ADGRB3: variants seen among roughly 807,000 people sequenced by gnomAD.
The protein encoded by ADGRB3 is adhesion G protein-coupled receptor B3, also known as brain-specific angiogenesis inhibitor 3.
A neutral mutation model predicts 193.4 loss-of-function variants in ADGRB3; 37 were observed. The ratio of observed to expected loss-of-function variants is 0.19; its 90% confidence interval spans 0.15 to 0.25. The LOEUF is 0.25. Ranked by LOEUF, ADGRB3 falls within the 10% of genes least tolerant of loss-of-function variation. The pLI is 1.00. For missense variants in ADGRB3, 1,637 were observed against 1,852.9 expected, an observed-to-expected ratio of 0.88 and a Z score of 2.14; for synonymous variants, 690 against 644.2, an observed-to-expected ratio of 1.07 and a Z score of -1.08.
At chr6:69,063,119 C>T in intron 16 of ADGRB3, 83 bp downstream of exon 16, 3 of 1,014,786 alleles carry the variant, frequency 3.0e-6, no homozygotes, top group Non-Finnish European at 4.5e-6. Flanking sequence ...CACCAGAATA[C>T]ATTTTCTAGA....
intron 17 of ADGRB3, among the ~76,000 whole-genome samples, chr6:69,217,695 A>T (rs1765796370): frequency 6.6e-6 from 1 of 152,152 alleles, no homozygotes. Context: ...TAATAATTTG[A>T]TGTAAGCATG....
At chr6:68,830,812 G>A (rs560313485) in intron 3 of ADGRB3, among the ~76,000 whole-genome samples, 21 of 152,146 alleles carry the variant, frequency 1.4e-4, no homozygotes, top group African/African-American at 5.1e-4. Context: ...TGGAGCATGG[G>A]TCAGGGAGTG....
At chr6:69,259,086 C>T (rs771557171) in intron 20 of ADGRB3, among the ~76,000 whole-genome samples, 7 of 152,142 alleles carry the variant, frequency 4.6e-5, no homozygotes, top group Non-Finnish European at 1.0e-4. Context: ...TAATATTAAA[C>T]ACTTTGACCT....
intron 16 of ADGRB3, among the ~76,000 whole-genome samples, chr6:69,065,354 T>C (rs1029440244): frequency 6.6e-6 from 1 of 152,198 alleles, no homozygotes; most frequent in Admixed American, 6.5e-5. Context: ...CTCCAGTTAC[T>C]GACCACACAA....
chr6:69,315,747 T>C (rs917112124), intron 20 of ADGRB3, among the ~76,000 whole-genome samples: 1 of 151,462 alleles, frequency 6.6e-6, no homozygotes, highest in African/African-American at 2.4e-5. Context: ...ATATATGTAT[T>C]CTTAATTTAT....
rs3043275 is a variant in ADGRB3, at chr6:68,981,845, GTTATTTATTTATTTAT to G, written c.1734+6540_1734+6555del. Among the ~76,000 whole-genome samples the G allele has an allele frequency of 2.6e-4, 37 of 139,726 alleles. 2 individuals carry two copies. Among genetic ancestry groups the G allele is most frequent in the Middle Eastern group, 3.8e-3 (1 of 262 alleles). The allele number at this position is 139,726 out of a possible 152,430, so 91.7% of individuals were successfully genotyped here. A position where few individuals can be genotyped will look rare whatever the true frequency, so the allele number is the denominator to read the frequency against. On this transcript the variant is annotated intron_variant, in intron 10 of 31. Coordinates refer to ENST00000370598, the MANE Select transcript of ADGRB3 (RefSeq NM_001704.3). ...CCAAAGAATGGACAATACCTATTTT[GTTATTTATTTATTTAT>G]TTATTTATTTATTTATTTATTTATT...
chr6:69,339,062 C>A (rs764654800), intron 25 of ADGRB3, 48 bp downstream of exon 25: 2 of 1,581,382 alleles, frequency 1.3e-6, no homozygotes, highest in Non-Finnish European at 1.7e-6. Context: ...TTTTACAGTG[C>A]ATGTGAGAAA....
At chr6:69,347,258 A>C (rs949709282) in intron 26 of ADGRB3, among the ~76,000 whole-genome samples, 1 of 152,148 alleles carries the variant, frequency 6.6e-6, no homozygotes, top group African/African-American at 2.4e-5. Flanking sequence ...CCTAATGTAG[A>C]TGATGGGTTG....
At chr6:69,261,039 G>A (rs1417999281) in intron 20 of ADGRB3, among the ~76,000 whole-genome samples, 1 of 152,056 alleles carries the variant, frequency 6.6e-6, no homozygotes, top group Non-Finnish European at 1.5e-5. Context: ...GCTTTCCAAT[G>A]TTTTTATCAT....
intron 26 of ADGRB3, among the ~76,000 whole-genome samples, chr6:69,343,093 A>G (rs896668353): frequency 6.6e-5 from 10 of 151,832 alleles, no homozygotes; most frequent in Non-Finnish European, 2.9e-5. Flanking sequence ...GTGAAATACT[A>G]TAACTGTGAT....
chr6:69,188,784 C>T (rs138182450), intron 17 of ADGRB3, among the ~76,000 whole-genome samples: 1,569 of 152,134 alleles, frequency 0.01, 29 homozygotes, highest in African/African-American at 0.036. Context: ...ATAACAGACA[C>T]ATTTGTTTGG....
chr6:68,710,969 T>G (rs1261311275), intron 3 of ADGRB3, among the ~76,000 whole-genome samples: 1 of 152,080 alleles, frequency 6.6e-6, no homozygotes, highest in Non-Finnish European at 1.5e-5. Context: ...GGTGGGGAAA[T>G]GTTCCCTTTA....
intron 3 of ADGRB3, among the ~76,000 whole-genome samples, chr6:68,822,257 C>T (rs1206973539): frequency 6.6e-6 from 1 of 151,806 alleles, no homozygotes; most frequent in African/African-American, 2.4e-5. Context: ...TAGGCAATCC[C>T]ATAACTCCAA....
At chr6:69,220,790 C>A (rs1582555742) in intron 17 of ADGRB3, among the ~76,000 whole-genome samples, 1 of 152,054 alleles carries the variant, frequency 6.6e-6, no homozygotes. Context: ...GGAGTAACAG[C>A]ATGATAGGAA....
intron 17 of ADGRB3, among the ~76,000 whole-genome samples, chr6:69,111,532 C>A (rs912406776): frequency 4.6e-5 from 7 of 152,152 alleles, no homozygotes; most frequent in Admixed American, 2.0e-4. Context: ...CATAGAGAAA[C>A]AGAACAAAAG....
intron 3 of ADGRB3, among the ~76,000 whole-genome samples, chr6:68,921,515 A>C (rs1316434461): frequency 6.6e-6 from 1 of 152,164 alleles, no homozygotes. Flanking sequence ...AACACTAAAC[A>C]CTTCGGTGGG....
intron 3 of ADGRB3, among the ~76,000 whole-genome samples, chr6:68,854,408 A>C (rs1764898421): frequency 6.6e-6 from 1 of 152,286 alleles, no homozygotes; most frequent in South Asian, 2.1e-4. Context: ...AAAAATGATA[A>C]CTATGTGAGA....
At chr6:68,938,009 G>A (rs1178360419) in intron 5 of ADGRB3, among the ~76,000 whole-genome samples, 3 of 152,100 alleles carry the variant, frequency 2.0e-5, no homozygotes, top group Non-Finnish European at 4.4e-5. Flanking sequence ...GATGCAATGA[G>A]GTGGGCGATC....
intron 3 of ADGRB3, among the ~76,000 whole-genome samples, chr6:68,778,859 T>C (rs1191792436): frequency 2.0e-5 from 3 of 152,032 alleles, no homozygotes. Context: ...AACAGTATGA[T>C]CATTGTTTCT....
Sources: gnomAD v4.1 joint callset for allele counts (sites outside exome capture counted in the v4.1 genomes callset) on GRCh38, gnomAD v4.1.1 for gene constraint, MANE v1.5 for transcripts, NCBI Gene and HGNC (gene_info 2026-07-23, HGNC 2026-07-21) for gene names.